Variants in NOX3 observed in about 807,000 individuals in gnomAD.
NOX3 encodes NADPH oxidase catalytic subunit-like 3.
Under a neutral mutation model 76.7 loss-of-function variants are expected in NOX3, and 74 were observed. The observed-to-expected ratio is 0.96, with a 90% CI of 0.80 to 1.17. The LOEUF (loss-of-function observed/expected upper bound fraction) is 1.17. Among genes scored for constraint, NOX3 ranks in the 50% most tolerant of loss-of-function variants. The probability of loss-of-function intolerance (pLI) is 0.00; values close to 1 mark genes in which losing one functional copy is unlikely to be tolerated. For synonymous variants in NOX3, 263 were observed against 261.1 expected, an observed-to-expected ratio of 1.01 and a Z score of -0.07; for missense variants, 695 against 703.3, an observed-to-expected ratio of 0.99 and a Z score of 0.13.
chr6:155,421,539 GA>G (rs1298342987), intron 10 of NOX3, among the ~76,000 whole-genome samples: 35 of 152,298 alleles, frequency 2.3e-4, no homozygotes, highest in Admixed American at 2.3e-3. Flanking sequence ...AAAGATAGAT[GA>G]AACAAAACTG....
chr6:155,433,264 C>T (rs1282328623), intron 7 of NOX3, among the ~76,000 whole-genome samples: 1 of 152,216 alleles, frequency 6.6e-6, no homozygotes, highest in Non-Finnish European at 1.5e-5. Context: ...GTGTCGTTAC[C>T]TGTGTTGTGC....
At chr6:155,422,172 G>A (rs540541065) in intron 10 of NOX3, among the ~76,000 whole-genome samples, 11 of 152,216 alleles carry the variant, frequency 7.2e-5, no homozygotes, top group Admixed American at 2.6e-4. Flanking sequence ...GACAAAGGAC[G>A]GAAAGAAATT....
intron 7 of NOX3, among the ~76,000 whole-genome samples, chr6:155,431,644 A>G (rs1489456169): frequency 6.6e-6 from 1 of 152,220 alleles, no homozygotes; most frequent in Non-Finnish European, 1.5e-5. Context: ...AGGCTATTGT[A>G]TCAGGAGCTC....
intron 11 of NOX3, among the ~76,000 whole-genome samples, chr6:155,408,132 C>T (rs1430405236): frequency 1.3e-5 from 2 of 152,044 alleles, no homozygotes; most frequent in Admixed American, 1.3e-4. Flanking sequence ...GTGTGTACCA[C>T]CATGCTTGGC....
At chr6:155,445,969 A>ATATGCTATATAT (rs1380551108) in intron 4 of NOX3, among the ~76,000 whole-genome samples, 28 of 96,672 alleles carry the variant, frequency 2.9e-4, no homozygotes, top group African/African-American at 9.6e-4. Context: ...ATATATATAT[A>ATATGCTATATAT]ATATATATAT....
intron 5 of NOX3, among the ~76,000 whole-genome samples, chr6:155,441,844 C>T (rs1582945213): frequency 6.6e-6 from 1 of 152,082 alleles, no homozygotes; most frequent in East Asian, 1.9e-4. Flanking sequence ...AAACAGCAAC[C>T]TCAGTAGGTG....
At chr6:155,427,674 C>G (rs1440488955) in intron 9 of NOX3, among the ~76,000 whole-genome samples, 1 of 152,188 alleles carries the variant, frequency 6.6e-6, no homozygotes, top group Non-Finnish European at 1.5e-5. Flanking sequence ...TCTCTTGATG[C>G]TTCTTTTCAA....
At chr6:155,400,721 A>T (rs758858684) in intron 12 of NOX3, among the ~76,000 whole-genome samples, 7 of 150,430 alleles carry the variant, frequency 4.7e-5, no homozygotes, top group Non-Finnish European at 8.8e-5. Context: ...CTAATTACTC[A>T]GTTGCTCATG....
At chr6:155,402,857 A>G (rs1352930789) in intron 12 of NOX3, among the ~76,000 whole-genome samples, 1 of 152,246 alleles carries the variant, frequency 6.6e-6, no homozygotes, top group Non-Finnish European at 1.5e-5. Context: ...GCCCTCAAGA[A>G]CAAAGAACCT....
intron 12 of NOX3, among the ~76,000 whole-genome samples, chr6:155,398,591 G>T (rs2114672086): frequency 1.3e-5 from 2 of 152,306 alleles, no homozygotes; most frequent in South Asian, 4.1e-4. Flanking sequence ...AAATGTAGCA[G>T]TACTACTTTC....
intron 12 of NOX3, among the ~76,000 whole-genome samples, chr6:155,402,973 C>T (rs992229083): frequency 1.3e-5 from 2 of 152,154 alleles, no homozygotes; most frequent in Non-Finnish European, 2.9e-5. Flanking sequence ...GCCAGGCAGG[C>T]TTGGGAACAA....
At chr6:155,447,391 T>G (rs1777078389) in intron 4 of NOX3, among the ~76,000 whole-genome samples, 1 of 152,250 alleles carries the variant, frequency 6.6e-6, no homozygotes, top group Non-Finnish European at 1.5e-5. Context: ...GCAATTTGTT[T>G]TCTGTTAGAT....
chr6:155,398,516 G>A (rs1562455715), intron 12 of NOX3, among the ~76,000 whole-genome samples: 1 of 152,162 alleles, frequency 6.6e-6, no homozygotes, highest in Non-Finnish European at 1.5e-5. Flanking sequence ...TGGTTCCCCT[G>A]CATTTCAAAC....
chr6:155,427,040 T>G (rs1446688165), intron 9 of NOX3, among the ~76,000 whole-genome samples: 244 of 62,648 alleles, frequency 3.9e-3, no homozygotes, highest in Middle Eastern at 9.8e-3. Flanking sequence ...CTGGGGGGGT[T>G]GGTGAGGGTG....
At chr6:155,440,467 A>G (rs79379581) in intron 5 of NOX3, among the ~76,000 whole-genome samples, 1 of 151,674 alleles carries the variant, frequency 6.6e-6, no homozygotes, top group East Asian at 1.9e-4. Context: ...TGGAAAAAAA[A>G]CCCACATAAA....
At chr6:155,405,570 T>A (rs1041446856) in intron 12 of NOX3, among the ~76,000 whole-genome samples, 3 of 152,120 alleles carry the variant, frequency 2.0e-5, no homozygotes, top group African/African-American at 7.2e-5. Context: ...ATGACAGGCA[T>A]CATAAGCTAA....
intron 7 of NOX3, among the ~76,000 whole-genome samples, chr6:155,431,696 G>A (rs1776836975): frequency 6.6e-6 from 1 of 152,162 alleles, no homozygotes; most frequent in Non-Finnish European, 1.5e-5. Flanking sequence ...GGGAAGAAAT[G>A]GGAAGTTACA....
chr6:155,405,519 T>G (rs1038958369), intron 12 of NOX3, among the ~76,000 whole-genome samples: 15 of 152,168 alleles, frequency 9.9e-5, no homozygotes, highest in African/African-American at 3.6e-4. Context: ...AACGTTTGCT[T>G]CTTATATTCA....
intron 10 of NOX3, among the ~76,000 whole-genome samples, chr6:155,415,710 C>G (rs1226580962): frequency 6.6e-6 from 1 of 152,140 alleles, no homozygotes. Context: ...TAGATTACTG[C>G]GTATGTAAAA....
Sources: gnomAD v4.1 joint callset for allele counts (sites outside exome capture counted in the v4.1 genomes callset) on GRCh38, gnomAD v4.1.1 for gene constraint, MANE v1.5 for transcripts, NCBI Gene and HGNC (gene_info 2026-07-23, HGNC 2026-07-21) for gene names.